Variants in RAF1 observed in about 807,000 individuals in gnomAD.
RAF1 encodes Raf-1 proto-oncogene, serine/threonine kinase, also known as RAF proto-oncogene serine/threonine-protein kinase.
In RAF1, 27 loss-of-function variants were observed where a neutral mutation model predicts 81.1. That is an observed-to-expected ratio of 0.33 (90% CI 0.25 to 0.46). RAF1 has a LOEUF of 0.46. Ranked by LOEUF, RAF1 falls within the 20% of genes least tolerant of loss-of-function variation. The pLI is 1.00. For synonymous variants in RAF1, 298 were observed against 294.0 expected (o/e 1.01, Z -0.14); for missense variants, 598 against 826.0 (o/e 0.72, Z 3.38).
intron 1 of RAF1, among the ~76,000 whole-genome samples, chr3:12,620,411 A>G (rs1287527310): frequency 6.6e-6 from 1 of 152,188 alleles, no homozygotes; most frequent in Non-Finnish European, 1.5e-5. Flanking sequence ...CTGGGATTAC[A>G]GGCATGAGCC....
In RAF1 at chr3:12,618,497, A is replaced by G. The variant is rs571895457; in HGVS notation, c.207+18T>C. On this transcript the variant is annotated intron_variant, in intron 2 of 17. Transcript: ENST00000442415. ...GGCAGATAAATAGCTAAATTTCCTA[A>G]GTAGAATGTTCACATACCACTGTTC... 1.9e-6 allele frequency: 3 copies of G among 1,613,686 alleles called. No individual in the cohort carries two copies. The highest frequency in any genetic ancestry group is 1.7e-5 in the Admixed American group (1 of 60,020).
intron 2 of RAF1, among the ~76,000 whole-genome samples, chr3:12,613,691 C>A (rs559279835): frequency 6.6e-6 from 1 of 152,202 alleles, no homozygotes; most frequent in South Asian, 2.1e-4. Context: ...GGATGCAAAG[C>A]AGAGAAAACA....
intron 1 of RAF1, among the ~76,000 whole-genome samples, chr3:12,633,950 A>C (rs932453466): frequency 3.3e-5 from 5 of 151,516 alleles, no homozygotes; most frequent in African/African-American, 7.3e-5. Context: ...AAAAAAAAAA[A>C]ACAAAAAAAA....
At chr3:12,645,361 A>G (rs906914844) in intron 1 of RAF1, among the ~76,000 whole-genome samples, 1 of 152,172 alleles carries the variant, frequency 6.6e-6, no homozygotes. Context: ...TAAAGCAGGT[A>G]TTATTCATAC....
chr3:12,584,246 G>A lies in RAF1; in HGVS notation c.*268C>T, dbSNP rs549367875. 1 of 514,016 alleles carries A rather than the reference G, an allele frequency of 1.9e-6. No individual in the cohort carries two copies. The highest frequency in any genetic ancestry group is 3.4e-5 in the East Asian group (1 of 29,662). 31.8% of individuals were successfully genotyped at this position (514,016 alleles called of 1,614,324 possible). ...TTTGTACTACCATCAACATCCACTT[G>A]CGCATCTACAGAAGGCTGGGCCTTG... On this transcript the variant is annotated 3_prime_UTR_variant, in exon 18 of 18. Transcript: ENST00000442415.
rs2060967473 is a variant in RAF1, at chr3:12,663,918, C to T, written c.-132G>A. 1 of 398,158 alleles carries T rather than the reference C, an allele frequency of 2.5e-6. No individual in the cohort carries two copies. Among genetic ancestry groups the T allele is most frequent in the African/African-American group, 2.1e-5 (1 of 48,618 alleles). 24.7% of individuals were successfully genotyped at this position (398,158 alleles called of 1,614,324 possible). The stretch of plus-strand genomic sequence containing the variant: ...GAGCGGGAGGCGGTCACATTCGGCG[C>T]GTCCCCAGCCCAGGGGACGGAGCCC... On this transcript the variant is annotated 5_prime_UTR_variant, in exon 1 of 18. Coordinates refer to ENST00000442415, the MANE Select transcript of RAF1 (RefSeq NM_001354689.3).
intron 1 of RAF1, among the ~76,000 whole-genome samples, chr3:12,656,017 T>G (rs2060679310): frequency 6.6e-6 from 1 of 150,854 alleles, no homozygotes; most frequent in African/African-American, 2.4e-5. Context: ...TAAGACATTG[T>G]GAATGTTGTT....
At chr3:12,614,594 G>GTTT (rs71063842) in intron 2 of RAF1, among the ~76,000 whole-genome samples, 1 of 145,710 alleles carries the variant, frequency 6.9e-6, no homozygotes, top group South Asian at 2.2e-4. Flanking sequence ...TCTAGCTAAT[G>GTTT]TTTTTTTTTT....
At chr3:12,587,943 G>GC (rs2058381783) in intron 13 of RAF1, 1 of 227,866 alleles carries the variant, frequency 4.4e-6, no homozygotes. Context: ...GGGACCACAG[G>GC]CATGTGCCAC....
intron 1 of RAF1, among the ~76,000 whole-genome samples, chr3:12,652,090 C>T (rs569902739): frequency 1.8e-4 from 27 of 151,926 alleles, no homozygotes; most frequent in Middle Eastern, 6.8e-3. Flanking sequence ...GTGATGAGTA[C>T]CTGTAATCCC....
chr3:12,654,999 G>GCCCCC (rs1346113034), intron 1 of RAF1, among the ~76,000 whole-genome samples: 1 of 103,312 alleles, frequency 9.7e-6, no homozygotes, highest in Non-Finnish European at 1.9e-5. Context: ...AACATAGTGA[G>GCCCCC]ACCCCCCCCC....
intron 1 of RAF1, among the ~76,000 whole-genome samples, chr3:12,661,684 CAG>C (rs1186647270): frequency 3.3e-5 from 5 of 152,156 alleles, no homozygotes; most frequent in East Asian, 3.9e-4. Context: ...GCCTGGGCAA[CAG>C]AGTGAGACTC....
chr3:12,651,732 G>T lies in RAF1; in HGVS notation c.-27+12081C>A, dbSNP rs1468028031. Among the ~76,000 whole-genome samples, 3 of 151,440 alleles carry T rather than the reference G, an allele frequency of 2.0e-5. No individual in the cohort carries two copies. In the Admixed American group the frequency reaches 2.0e-4, roughly 10 times the overall value. On this transcript the variant is annotated intron_variant, in intron 1 of 17. Transcript: ENST00000442415. ...GGGAAACAAATTAAAAATATGAGCT[G>T]GGCACGATGGCTCATGCCTGTAATC...
At chr3:12,645,652 C>G (rs1469677829) in intron 1 of RAF1, among the ~76,000 whole-genome samples, 2 of 152,164 alleles carry the variant, frequency 1.3e-5, no homozygotes, top group Non-Finnish European at 2.9e-5. Context: ...AGGCACTGAA[C>G]TCAGAAAAAC....
intron 1 of RAF1, among the ~76,000 whole-genome samples, chr3:12,640,581 A>G (rs1271044785): frequency 6.6e-6 from 1 of 152,156 alleles, no homozygotes; most frequent in Non-Finnish European, 1.5e-5. Context: ...ACACTTCTCA[A>G]AAGACATTCA....
At position 12,604,260 on chromosome 3, in the gene RAF1, G is replaced by A. The variant is rs774061937; in HGVS notation, c.710C>T (p.Ala237Val). ...GGGACTGGAGGTGTTAAAGGTGAAG[G>A]CGTGAGGTGTAGAATATCTGTGCTG... Residue 237 changes from alanine to valine, a missense_variant, in exon 7 of 18, where the codon GCC becomes GTC. Coordinates refer to ENST00000442415, the MANE Select transcript of RAF1 (RefSeq NM_001354689.3). 1.2e-6 allele frequency: 2 copies of A among 1,614,062 alleles called. No individual in the cohort carries two copies. Among genetic ancestry groups the A allele is most frequent in the Admixed American group, 1.7e-5 (1 of 59,994 alleles).
chr3:12,659,406 C>T (rs1043340664), intron 1 of RAF1, among the ~76,000 whole-genome samples: 12 of 90,756 alleles, frequency 1.3e-4, no homozygotes, highest in African/African-American at 4.7e-4. Flanking sequence ...CCAGCCTGGG[C>T]AACAGCACCA....
At chr3:12,657,768 CAA>C (rs1164317182) in intron 1 of RAF1, among the ~76,000 whole-genome samples, 2 of 126,916 alleles carry the variant, frequency 1.6e-5, no homozygotes, top group Non-Finnish European at 1.7e-5. Flanking sequence ...CAAAACATCT[CAA>C]AAAAAAAAAA....
At position 12,604,124 on chromosome 3, in the gene RAF1, G is replaced by C. The variant is rs2125396762; in HGVS notation, c.834+12C>G. On this transcript the variant is annotated intron_variant, in intron 7 of 17. Coordinates refer to ENST00000442415, the MANE Select transcript of RAF1 (RefSeq NM_001354689.3). ...ATTGACTGACATTACCACCCCCAAG[G>C]TGCCCTATTACCTCAATCATCCTGC... 1 of 1,613,886 alleles carries C rather than the reference G, an allele frequency of 6.2e-7. No homozygotes were observed. Among genetic ancestry groups the C allele is most frequent in the Non-Finnish European group, 8.5e-7 (1 of 1,179,976 alleles).
Sources: gnomAD v4.1 joint callset for allele counts (sites outside exome capture counted in the v4.1 genomes callset) on GRCh38, gnomAD v4.1.1 for gene constraint, MANE v1.5 for transcripts, NCBI Gene and HGNC (gene_info 2026-07-23, HGNC 2026-07-21) for gene names.